The following NKAIN2 variants were observed in gnomAD, a reference collection of about 807,000 sequenced individuals.
NKAIN2 encodes the protein sodium/potassium-transporting ATPase subunit beta-1-interacting protein 2.
Under a neutral mutation model 32.6 loss-of-function variants are expected in NKAIN2, and 14 were observed. The ratio of observed to expected loss-of-function variants is 0.43; its 90% confidence interval spans 0.28 to 0.67. The LOEUF (loss-of-function observed/expected upper bound fraction) is 0.67, where lower values mean the gene tolerates loss of function less well. NKAIN2 is among the 30% of genes least tolerant of loss of function. NKAIN2 has a pLI of 0.17. For synonymous variants in NKAIN2, 80 were observed against 87.2 expected (o/e 0.92, Z 0.46); for missense variants, 198 against 258.3 (o/e 0.77, Z 1.60).
At chr6:124,482,538 G>A (rs1006982601) in intron 3 of NKAIN2, among the ~76,000 whole-genome samples, 8 of 152,002 alleles carry the variant, frequency 5.3e-5, no homozygotes, top group African/African-American at 1.2e-4. Context: ...GCTTTCTTAC[G>A]GGCGAAATCC....
At chr6:124,295,223 T>C (rs1358130553) in intron 2 of NKAIN2, among the ~76,000 whole-genome samples, 4 of 152,202 alleles carry the variant, frequency 2.6e-5, no homozygotes, top group Non-Finnish European at 4.4e-5. Flanking sequence ...GAATTTATCA[T>C]GGAGCAAAAC....
intron 1 of NKAIN2, among the ~76,000 whole-genome samples, chr6:123,848,287 T>G (rs1775174428): frequency 6.6e-6 from 1 of 152,146 alleles, no homozygotes. Flanking sequence ...CCAACTACCG[T>G]ATGATTCTAA....
chr6:124,136,996 G>GT (rs2114302713), intron 1 of NKAIN2, among the ~76,000 whole-genome samples: 1 of 152,058 alleles, frequency 6.6e-6, no homozygotes, highest in East Asian at 1.9e-4. Context: ...ACATAGTACT[G>GT]TAAGTCCTAG....
chr6:124,342,059 T>G (rs1449361465), intron 2 of NKAIN2, among the ~76,000 whole-genome samples: 1 of 152,152 alleles, frequency 6.6e-6, no homozygotes, highest in Non-Finnish European at 1.5e-5. Flanking sequence ...AATATTGTCC[T>G]ACTATTTTGA....
chr6:123,805,428 C>G (rs577533787), intron 1 of NKAIN2, among the ~76,000 whole-genome samples: 5 of 152,276 alleles, frequency 3.3e-5, no homozygotes, highest in African/African-American at 1.2e-4. Context: ...TAATATTTAG[C>G]TGAAACAGTG....
intron 1 of NKAIN2, among the ~76,000 whole-genome samples, chr6:124,095,733 CTTTT>C (rs542866168): frequency 9.5e-4 from 144 of 152,226 alleles, no homozygotes; most frequent in Non-Finnish European, 1.7e-3. Flanking sequence ...CCTAAGGACT[CTTTT>C]TTATGTTATC....
intron 5 of NKAIN2, among the ~76,000 whole-genome samples, chr6:124,800,121 A>T (rs1780183179): frequency 6.6e-6 from 1 of 152,218 alleles, no homozygotes; most frequent in African/African-American, 2.4e-5. Flanking sequence ...CAAATCAGAG[A>T]CATGCTGAGA....
At chr6:124,416,096 A>T (rs1430498949) in intron 3 of NKAIN2, among the ~76,000 whole-genome samples, 1 of 152,074 alleles carries the variant, frequency 6.6e-6, no homozygotes, top group African/African-American at 2.4e-5. Context: ...AAGGATAACT[A>T]AGACCTCTGG....
intron 3 of NKAIN2, among the ~76,000 whole-genome samples, chr6:124,497,741 T>C (rs1778116801): frequency 6.7e-6 from 1 of 148,900 alleles, no homozygotes; most frequent in Admixed American, 6.8e-5. Context: ...AAAAAAAAAC[T>C]AGGAGTTGTC....
chr6:124,464,036 G>T (rs1328996620), intron 3 of NKAIN2, among the ~76,000 whole-genome samples: 1 of 152,094 alleles, frequency 6.6e-6, no homozygotes, highest in Non-Finnish European at 1.5e-5. Flanking sequence ...AGGCTGGAGT[G>T]CAGTGGCATG....
chr6:124,004,826 G>A (rs1262314599), intron 1 of NKAIN2, among the ~76,000 whole-genome samples: 4 of 150,320 alleles, frequency 2.7e-5, no homozygotes, highest in African/African-American at 7.4e-5. Flanking sequence ...AAACCTGCAC[G>A]TTGTGCACAT....
chr6:124,429,088 AGT>A (rs1217836694), intron 3 of NKAIN2, among the ~76,000 whole-genome samples: 1 of 151,994 alleles, frequency 6.6e-6, no homozygotes, highest in African/African-American at 2.4e-5. Context: ...CCCAGGCTGG[AGT>A]GCAATGGTGG....
chr6:123,973,378 G>A (rs554853303), intron 1 of NKAIN2, among the ~76,000 whole-genome samples: 17 of 152,168 alleles, frequency 1.1e-4, no homozygotes, highest in Non-Finnish European at 2.2e-4. Flanking sequence ...AAAGAAATGG[G>A]GAAAGATAAC....
chr6:124,702,186 C>A (rs1045408338), intron 4 of NKAIN2, among the ~76,000 whole-genome samples: 9 of 152,070 alleles, frequency 5.9e-5, no homozygotes, highest in Non-Finnish European at 1.3e-4. Context: ...GCATGGGAAG[C>A]ATTCCAACTC....
At chr6:124,361,042 C>T (rs1029758798) in intron 3 of NKAIN2, among the ~76,000 whole-genome samples, 3 of 152,054 alleles carry the variant, frequency 2.0e-5, no homozygotes, top group Admixed American at 6.6e-5. Context: ...AAGAACTAAC[C>T]TCAGCCATCA....
At chr6:123,843,255 A>G (rs948243591) in intron 1 of NKAIN2, among the ~76,000 whole-genome samples, 2 of 152,152 alleles carry the variant, frequency 1.3e-5, no homozygotes, top group Non-Finnish European at 2.9e-5. Context: ...GGTCACACAA[A>G]TGGATTGAAG....
chr6:123,992,971 G>C (rs1207813306), intron 1 of NKAIN2, among the ~76,000 whole-genome samples: 1 of 152,174 alleles, frequency 6.6e-6, no homozygotes, highest in Non-Finnish European at 1.5e-5. Context: ...CCACTTACCA[G>C]TTCTGAGAAC....
intron 1 of NKAIN2, among the ~76,000 whole-genome samples, chr6:124,118,433 A>T (rs1407984261): frequency 6.6e-6 from 1 of 152,188 alleles, no homozygotes; most frequent in Non-Finnish European, 1.5e-5. Flanking sequence ...AATGAAGAGA[A>T]AACAAATGAT....
chr6:124,534,454 T>C (rs569102050), intron 3 of NKAIN2, among the ~76,000 whole-genome samples: 11 of 152,314 alleles, frequency 7.2e-5, no homozygotes, highest in African/African-American at 2.2e-4. Flanking sequence ...CCAAGCTTAG[T>C]AGTTTTGTTT....
Sources: allele counts gnomAD v4.1 joint callset (sites outside exome capture counted in the v4.1 genomes callset), GRCh38; gene constraint gnomAD v4.1.1; transcripts MANE v1.5; gene names NCBI Gene and HGNC (gene_info 2026-07-23, HGNC 2026-07-21).